Variants in ABCA13 observed in about 807,000 individuals in gnomAD.
ABCA13 encodes ATP binding cassette subfamily A member 13.
A neutral mutation model predicts 478.7 loss-of-function variants in ABCA13; 476 were observed. That is an observed-to-expected ratio of 0.99 (90% CI 0.92 to 1.07). The LOEUF is 1.07. ABCA13 is among the 50% of genes least tolerant of loss of function. The pLI is 0.00. For missense variants in ABCA13, 6,060 were observed against 5,910.6 expected (o/e 1.03, Z -0.83); for synonymous variants, 2,252 against 2,158.9 (o/e 1.04, Z -1.20).
intron 34 of ABCA13, among the ~76,000 whole-genome samples, chr7:48,375,277 C>T (rs1385893609): frequency 6.6e-6 from 1 of 152,170 alleles, no homozygotes; most frequent in Non-Finnish European, 1.5e-5. Flanking sequence ...TTAGTGACCA[C>T]TGTGTTAGAT....
intron 28 of ABCA13, among the ~76,000 whole-genome samples, chr7:48,336,954 G>A (rs776503857): frequency 1.3e-5 from 2 of 152,130 alleles, no homozygotes; most frequent in Non-Finnish European, 2.9e-5. Context: ...AAATATCTAG[G>A]AGAACATAAA....
chr7:48,172,671 G>A (rs1794275722), intron 1 of ABCA13, among the ~76,000 whole-genome samples: 1 of 150,778 alleles, frequency 6.6e-6, no homozygotes, highest in Non-Finnish European at 1.5e-5. Context: ...GGTGGCGGAC[G>A]TCTGTAGTCC....
intron 46 of ABCA13, among the ~76,000 whole-genome samples, chr7:48,482,176 A>G (rs1828838456): frequency 6.6e-6 from 1 of 152,182 alleles, no homozygotes; most frequent in East Asian, 1.9e-4. Flanking sequence ...ATAAACCAGC[A>G]AATAGACAAT....
intron 10 of ABCA13, among the ~76,000 whole-genome samples, chr7:48,243,668 A>G (rs1015976481): frequency 6.6e-6 from 1 of 152,176 alleles, no homozygotes; most frequent in Non-Finnish European, 1.5e-5. Flanking sequence ...AGCAGCAACT[A>G]TTTATCAAGC....
rs200658014 is a variant in ABCA13 at position 48,274,759 on chromosome 7, G to C, written c.5093G>C (p.Ser1698Thr). Residue 1698 changes from serine to threonine, a missense_variant, in exon 17 of 62, where the codon AGT becomes ACT. By Grantham distance (58) the Ser-to-Thr change is moderately conservative (BLOSUM62 1). Around this residue, in one of 3 missense-constraint regions of ABCA13, gnomAD observed 4,423 missense variants for 4,309.1 expected, o/e 1.03. Transcript: ENST00000435803. ...NLMDFFKNIS[S>T]VGTGNLVVNL... ...ATGGATTTCTTTAAGAATATCAGTA[G>C]TGTGGGAACTGGCAATTTAGTGGTC... The C allele has an allele frequency of 1.9e-4, 306 of 1,613,980 alleles. 1 individual carries two copies. The highest frequency in any genetic ancestry group is 2.5e-4 in the Non-Finnish European group (294 of 1,179,840).
At chr7:48,176,395 C>T (rs180847809) in intron 1 of ABCA13, among the ~76,000 whole-genome samples, 12 of 152,230 alleles carry the variant, frequency 7.9e-5, no homozygotes, top group Non-Finnish European at 1.8e-4. Flanking sequence ...ATGGAAACAA[C>T]AAAACTACAC....
At chr7:48,302,405 G>A (rs1473272584) in intron 23 of ABCA13, among the ~76,000 whole-genome samples, 7 of 152,032 alleles carry the variant, frequency 4.6e-5, no homozygotes, top group Non-Finnish European at 8.8e-5. Context: ...AGGTAAACTC[G>A]TGTCAGGGGG....
At chr7:48,506,718 C>T (rs1312392495) in intron 49 of ABCA13, among the ~76,000 whole-genome samples, 1 of 152,196 alleles carries the variant, frequency 6.6e-6, no homozygotes, top group East Asian at 1.9e-4. Flanking sequence ...AAATCATAAA[C>T]ATTGCATTCA....
At chr7:48,500,964 A>G (rs2362313) in intron 48 of ABCA13, among the ~76,000 whole-genome samples, 63,938 of 152,078 alleles carry the variant, frequency 0.42, 15,187 homozygotes, top group African/African-American at 0.64. Flanking sequence ...TAATGGGCAG[A>G]GAAAAGATGC....
chr7:48,179,971 T>C (rs764300399), intron 1 of ABCA13, among the ~76,000 whole-genome samples: 1 of 151,742 alleles, frequency 6.6e-6, no homozygotes, highest in Non-Finnish European at 1.5e-5. Flanking sequence ...CCAGGAAGGG[T>C]GGGTAACTCG....
At position 48,506,370 on chromosome 7, in the gene ABCA13, C is replaced by T. The variant is rs377386174; in HGVS notation, c.13326C>T (p.Ala4442=). 2 of 1,613,710 alleles carry T rather than the reference C, an allele frequency of 1.2e-6. No homozygotes were observed. The highest frequency in any genetic ancestry group is 2.7e-5 in the African/African-American group (2 of 74,936). Residue 4442 remains alanine, a synonymous_variant, in exon 49 of 62, where the codon GCC becomes GCT. Coordinates refer to ENST00000435803, the MANE Select transcript of ABCA13 (RefSeq NM_152701.5). ...TCTACAGCCACCCATATGGAGGGGC[C>T]TTGCTGAACGAGGACAAGATGTGAG... ...ITLYSHPYGG[A]LLNEDKILES... is the part of the protein sequence containing the mutation.
chr7:48,392,179 C>T (rs373296914), intron 38 of ABCA13, 40 bp downstream of exon 38: 1 of 1,575,942 alleles, frequency 6.3e-7, no homozygotes. Context: ...CTGCCTCTGC[C>T]CATTGTGTAA....
intron 40 of ABCA13, among the ~76,000 whole-genome samples, chr7:48,411,039 CTTTCTTTCT>C (rs1819035639): frequency 1.0e-5 from 1 of 98,476 alleles, no homozygotes; most frequent in African/African-American, 3.8e-5. Context: ...TTCTTTCTTT[CTTTCTTTCT>C]TTTTCTTTCT....
intron 59 of ABCA13, among the ~76,000 whole-genome samples, chr7:48,637,381 C>CAAAAGA (rs1794732543): frequency 9.9e-5 from 2 of 20,258 alleles, no homozygotes; most frequent in Non-Finnish European, 1.7e-4. Flanking sequence ...GTTCATAAAG[C>CAAAAGA]AAAAAAAAAA....
At chr7:48,202,428 C>G (rs1053784578) in intron 3 of ABCA13, among the ~76,000 whole-genome samples, 4 of 152,026 alleles carry the variant, frequency 2.6e-5, no homozygotes, top group African/African-American at 9.7e-5. Context: ...CTCACAAACC[C>G]TGAGCTAGAC....
At chr7:48,234,636 G>C (rs1789671212) in intron 8 of ABCA13, among the ~76,000 whole-genome samples, 1 of 152,212 alleles carries the variant, frequency 6.6e-6, no homozygotes, top group Admixed American at 6.5e-5. Context: ...GTGAAATAAG[G>C]GAGTTGGACT....
chr7:48,202,987 G>C (rs1282579950), intron 3 of ABCA13, among the ~76,000 whole-genome samples: 1 of 152,200 alleles, frequency 6.6e-6, no homozygotes, highest in Non-Finnish European at 1.5e-5. Flanking sequence ...GGGAGGCTTG[G>C]GCTGCACAGG....
intron 29 of ABCA13, among the ~76,000 whole-genome samples, chr7:48,346,924 C>A (rs1808203881): frequency 6.6e-6 from 1 of 152,180 alleles, no homozygotes; most frequent in Non-Finnish European, 1.5e-5. Context: ...GTTCCCAAAC[C>A]AGGTTACCCC....
intron 56 of ABCA13, 29 bp from the exon 57 acceptor site, chr7:48,587,125 G>C: frequency 6.2e-7 from 1 of 1,612,044 alleles, no homozygotes; most frequent in Non-Finnish European, 8.5e-7. Flanking sequence ...GTGAATGCTG[G>C]TGTGCACATG....
Sources: gnomAD v4.1 joint callset for allele counts (sites outside exome capture counted in the v4.1 genomes callset) on GRCh38, gnomAD v4.1.1 for gene constraint, gnomAD v4.1.1 regional missense constraint, MANE v1.5 for transcripts, NCBI Gene and HGNC (gene_info 2026-07-23, HGNC 2026-07-21) for gene names.